Variants in TANC2 observed in about 807,000 individuals in gnomAD.
TANC2 encodes the protein protein TANC2.
Under a neutral mutation model 210.5 loss-of-function variants are expected in TANC2, and 26 were observed. The observed-to-expected ratio is 0.12, with a 90% CI of 0.09 to 0.17. The LOEUF (loss-of-function observed/expected upper bound fraction) is 0.17. Ranked by LOEUF, TANC2 falls within the 10% of genes least tolerant of loss-of-function variation. The pLI is 1.00. For missense variants in TANC2, 2,129 were observed against 2,608.9 expected, an observed-to-expected ratio of 0.82 and a Z score of 4.01; for synonymous variants, 931 against 967.1, an observed-to-expected ratio of 0.96 and a Z score of 0.69.
At chr17:62,967,055 G>A (rs2031385909) in intron 1 of TANC2, 1 of 152,354 alleles carries the variant, frequency 6.6e-6, no homozygotes, top group African/African-American at 2.4e-5. Flanking sequence ...ACGTGGCAGG[G>A]AATGTGGTGC....
intron 14 of TANC2, among the ~76,000 whole-genome samples, chr17:63,377,697 G>A (rs1274763149): frequency 6.6e-6 from 1 of 152,088 alleles, no homozygotes; most frequent in Non-Finnish European, 1.5e-5. Context: ...CAGTTCCAAA[G>A]TTGCTTCCAC....
intron 9 of TANC2, among the ~76,000 whole-genome samples, chr17:63,290,498 T>C (rs2044352174): frequency 6.6e-6 from 1 of 152,152 alleles, no homozygotes; most frequent in Admixed American, 6.5e-5. Flanking sequence ...CCAAGCTCCT[T>C]ACATGTGAAA....
intron 7 of TANC2, among the ~76,000 whole-genome samples, chr17:63,217,454 T>G (rs975092921): frequency 2.0e-5 from 3 of 152,224 alleles, no homozygotes; most frequent in Non-Finnish European, 4.4e-5. Flanking sequence ...TTCTCTACAC[T>G]GGGAAGAAAC....
intron 7 of TANC2, among the ~76,000 whole-genome samples, chr17:63,204,163 C>A (rs1422117874): frequency 1.3e-5 from 2 of 150,670 alleles, no homozygotes; most frequent in African/African-American, 2.4e-5. Context: ...ACAAAATCAA[C>A]ACCAAAACAA....
At chr17:63,280,645 G>T (rs1428837502) in intron 9 of TANC2, among the ~76,000 whole-genome samples, 2 of 151,980 alleles carry the variant, frequency 1.3e-5, no homozygotes, top group African/African-American at 4.8e-5. Flanking sequence ...CACTAAAAAT[G>T]ACTTGTTTAA....
intron 11 of TANC2, among the ~76,000 whole-genome samples, chr17:63,336,634 A>G (rs1349910686): frequency 6.6e-6 from 1 of 152,216 alleles, no homozygotes; most frequent in African/African-American, 2.4e-5. Flanking sequence ...CCTAAAACTT[A>G]CTTGCTATCT....
chr17:63,224,238 C>T (rs935592052), intron 7 of TANC2, among the ~76,000 whole-genome samples: 5 of 151,254 alleles, frequency 3.3e-5, no homozygotes, highest in Admixed American at 2.7e-4. Flanking sequence ...GGTTGCTCTC[C>T]CAGACTTGCT....
At chr17:63,166,887 C>T (rs1187395750) in intron 5 of TANC2, among the ~76,000 whole-genome samples, 1 of 151,892 alleles carries the variant, frequency 6.6e-6, no homozygotes, top group African/African-American at 2.4e-5. Context: ...AAGAATGGTG[C>T]CCATAAGCAC....
intron 8 of TANC2, among the ~76,000 whole-genome samples, chr17:63,243,405 A>G (rs1413373452): frequency 6.6e-6 from 1 of 152,234 alleles, no homozygotes; most frequent in African/African-American, 2.4e-5. Flanking sequence ...GAGAAGACAG[A>G]TAAAATAAAG....
intron 5 of TANC2, among the ~76,000 whole-genome samples, chr17:63,165,820 A>G (rs2040192732): frequency 6.6e-6 from 1 of 152,240 alleles, no homozygotes; most frequent in Admixed American, 6.5e-5. Context: ...ATGGAAATAT[A>G]ACACTGCAGA....
intron 5 of TANC2, 102 bp from the exon 6 acceptor site, chr17:63,193,889 T>C (rs1044414933): frequency 2.1e-5 from 27 of 1,274,608 alleles, no homozygotes; most frequent in African/African-American, 1.2e-4. Context: ...TGAGTTAAAA[T>C]GTGAAAACTA....
intron 2 of TANC2, among the ~76,000 whole-genome samples, chr17:63,025,905 A>G (rs1363371774): frequency 6.6e-6 from 1 of 152,086 alleles, no homozygotes; most frequent in Non-Finnish European, 1.5e-5. Context: ...ATGTCCTTCC[A>G]TGATTCTGTA....
intron 2 of TANC2, among the ~76,000 whole-genome samples, chr17:63,012,405 A>G (rs746272730): frequency 3.3e-5 from 5 of 152,072 alleles, no homozygotes; most frequent in Non-Finnish European, 5.9e-5. Flanking sequence ...TGGTTACCTA[A>G]AGATTAAAAC....
chr17:63,152,064 C>G (rs151209015), intron 5 of TANC2: 1 of 152,318 alleles, frequency 6.6e-6, no homozygotes, highest in Non-Finnish European at 1.5e-5. Context: ...ATCCTTTACA[C>G]TCTCTCTACA....
At chr17:63,308,478 A>G (rs2045001357) in intron 9 of TANC2, among the ~76,000 whole-genome samples, 1 of 152,184 alleles carries the variant, frequency 6.6e-6, no homozygotes, top group African/African-American at 2.4e-5. Context: ...GTGGGTCATC[A>G]CTGCCTGTCA....
At chr17:63,335,055 A>G (rs1055146340) in intron 11 of TANC2, among the ~76,000 whole-genome samples, 10 of 152,138 alleles carry the variant, frequency 6.6e-5, no homozygotes, top group Non-Finnish European at 1.0e-4. Context: ...ATCTGCCCCC[A>G]TGACCCAAAC....
chr17:63,414,248 C>T (rs1182593969), intron 25 of TANC2: 1 of 152,200 alleles, frequency 6.6e-6, no homozygotes, highest in Non-Finnish European at 1.5e-5. Flanking sequence ...ATTACCCTGT[C>T]CCGAAGCTTC....
At chr17:63,259,486 G>A (rs749333907) in intron 8 of TANC2, among the ~76,000 whole-genome samples, 1 of 152,296 alleles carries the variant, frequency 6.6e-6, no homozygotes, top group African/African-American at 2.4e-5. Context: ...GGAAACAATC[G>A]TTGGAGGGTA....
intron 5 of TANC2, among the ~76,000 whole-genome samples, chr17:63,178,861 A>G (rs760980666): frequency 7.2e-5 from 11 of 152,252 alleles, no homozygotes; most frequent in Non-Finnish European, 1.2e-4. Flanking sequence ...AATACAGATT[A>G]GGAATTTGGA....
Sources: gnomAD v4.1 joint callset for allele counts (sites outside exome capture counted in the v4.1 genomes callset) on GRCh38, gnomAD v4.1.1 for gene constraint, MANE v1.5 for transcripts, NCBI Gene and HGNC (gene_info 2026-07-23, HGNC 2026-07-21) for gene names.